HOOK3: variants seen among roughly 807,000 people sequenced by gnomAD.
HOOK3 encodes protein Hook homolog 3.
In HOOK3, 24 loss-of-function variants were observed where a neutral mutation model predicts 116.3. That is an observed-to-expected ratio of 0.21 (90% CI 0.15 to 0.29). The LOEUF is 0.29. Among genes scored for constraint, HOOK3 ranks in the 10% least tolerant of loss-of-function variants. The probability of loss-of-function intolerance (pLI) is 1.00; values close to 1 mark genes in which losing one functional copy is unlikely to be tolerated. For synonymous variants in HOOK3, 275 were observed against 283.0 expected (o/e 0.97, Z 0.28); for missense variants, 632 against 830.2 (o/e 0.76, Z 2.93).
At chr8:42,974,695 C>T (rs573013088) in intron 13 of HOOK3, among the ~76,000 whole-genome samples, 40 of 152,264 alleles carry the variant, frequency 2.6e-4, no homozygotes, top group African/African-American at 7.5e-4. Context: ...GATGGTGGTC[C>T]GAACCCTTAG....
At chr8:42,907,031 A>G (rs1440530881) in intron 2 of HOOK3, among the ~76,000 whole-genome samples, 1 of 152,224 alleles carries the variant, frequency 6.6e-6, no homozygotes, top group Non-Finnish European at 1.5e-5. Flanking sequence ...TAGTTATGAA[A>G]TTGATATTAT....
chr8:42,916,374 T>G (rs1267885836), intron 2 of HOOK3, among the ~76,000 whole-genome samples: 1 of 152,232 alleles, frequency 6.6e-6, no homozygotes, highest in Non-Finnish European at 1.5e-5. Flanking sequence ...TGACACCAAT[T>G]AGGTGCCCTG....
At chr8:42,948,870 A>G (rs536106966) in intron 5 of HOOK3, among the ~76,000 whole-genome samples, 2 of 152,330 alleles carry the variant, frequency 1.3e-5, no homozygotes, top group South Asian at 2.1e-4. Flanking sequence ...AACAATGCCT[A>G]TGATTTAGTT....
At chr8:42,957,465 A>G (rs1808456872) in intron 7 of HOOK3, among the ~76,000 whole-genome samples, 1 of 152,098 alleles carries the variant, frequency 6.6e-6, no homozygotes, top group South Asian at 2.1e-4. Context: ...TCTGTTAGTG[A>G]TATCAGTGTG....
chr8:42,957,505 T>A (rs1808457528), intron 7 of HOOK3, among the ~76,000 whole-genome samples: 2 of 152,170 alleles, frequency 1.3e-5, no homozygotes, highest in South Asian at 4.1e-4. Flanking sequence ...TGTTACAGCT[T>A]ATGATTATAT....
At chr8:42,919,226 C>CG (rs201504945) in intron 2 of HOOK3, among the ~76,000 whole-genome samples, 3 of 149,924 alleles carry the variant, frequency 2.0e-5, no homozygotes, top group Admixed American at 6.6e-5. Context: ...ACTTCACAGA[C>CG]GGGGCGGCTT....
At position 42,959,320 on chromosome 8, in the gene HOOK3, A is replaced by T. The variant is rs13279479; in HGVS notation, c.615+6A>T. 1 of 1,592,098 alleles carries T rather than the reference A, an allele frequency of 6.3e-7. No individual in the cohort carries two copies. The highest frequency in any genetic ancestry group is 8.6e-7 in the Non-Finnish European group (1 of 1,160,218). ...GCCATGAACTGGATATGCAGGTAAG[A>T]GATTTGTTCTGTGCACCACCTCTTT... is the stretch of plus-strand genomic sequence containing the variant. On this transcript the variant is annotated splice_donor_region_variant and intron_variant, in intron 8 of 21. Coordinates refer to ENST00000307602, the MANE Select transcript of HOOK3 (RefSeq NM_032410.4).
At chr8:42,998,468 T>C (rs1164767995) in intron 16 of HOOK3, among the ~76,000 whole-genome samples, 4 of 152,210 alleles carry the variant, frequency 2.6e-5, no homozygotes, top group Non-Finnish European at 5.9e-5. Flanking sequence ...AAACGTTTGT[T>C]TCCATTGATA....
rs1460559494 is a variant in HOOK3, at chr8:43,029,157, A to G, written c.*10659A>G. 1 of 174,292 alleles carries G rather than the reference A, an allele frequency of 5.7e-6. No individual in the cohort carries two copies. The highest frequency in any genetic ancestry group is 1.2e-5 in the Non-Finnish European group (1 of 80,796). The allele number at this position is 174,292 out of a possible 1,614,324, so 10.8% of individuals were successfully genotyped here. A position where few individuals can be genotyped will look rare whatever the true frequency, so the allele number is the denominator to read the frequency against. ...TTTAACAGCAATCTTTTATTTATTT[A>G]TTTATTTATTTTTGAGACGGAGTCT... On this transcript the variant is annotated 3_prime_UTR_variant, in exon 22 of 22. Coordinates refer to ENST00000307602, the MANE Select transcript of HOOK3 (RefSeq NM_032410.4).
At position 43,023,790 on chromosome 8, in the gene HOOK3, G is replaced by T. The variant is rs1276109059; in HGVS notation, c.*5292G>T. ...TTTCCTTTTCGAAAGTAGCAGTTTG[G>T]TTTATTCTCGTTTGCTAAGTAATTG... On this transcript the variant is annotated 3_prime_UTR_variant, in exon 22 of 22. Coordinates refer to ENST00000307602, the MANE Select transcript of HOOK3 (RefSeq NM_032410.4). 5.0e-6 allele frequency: 1 copy of T among 200,468 alleles called. No homozygotes were observed. The highest frequency in any genetic ancestry group is 1.0e-5 in the Non-Finnish European group (1 of 97,308). The allele number at this position is 200,468 out of a possible 1,614,324, so 12.4% of individuals were successfully genotyped here. A position where few individuals can be genotyped will look rare whatever the true frequency, so the allele number is the denominator to read the frequency against.
chr8:43,018,099 G>A (rs1324766803), intron 21 of HOOK3, among the ~76,000 whole-genome samples: 1 of 152,132 alleles, frequency 6.6e-6, no homozygotes. Context: ...TTGAGTATGG[G>A]TAAAGTCTGT....
At chr8:42,933,144 C>T (rs992619750) in intron 4 of HOOK3, among the ~76,000 whole-genome samples, 8 of 152,086 alleles carry the variant, frequency 5.3e-5, no homozygotes, top group Non-Finnish European at 8.8e-5. Flanking sequence ...AACCCAAGGT[C>T]TAACAATAGA....
chr8:42,924,943 A>G (rs1181869357), intron 2 of HOOK3, among the ~76,000 whole-genome samples: 1 of 151,950 alleles, frequency 6.6e-6, no homozygotes, highest in African/African-American at 2.4e-5. Context: ...ATTGCACTCC[A>G]GCCTGCCTGA....
chr8:42,976,130 T>A (rs974678915), intron 13 of HOOK3, among the ~76,000 whole-genome samples: 3 of 152,096 alleles, frequency 2.0e-5, no homozygotes, highest in African/African-American at 7.2e-5. Context: ...ATTCCTACTT[T>A]GTTGTAAATT....
At chr8:42,939,594 G>A (rs1183794714) in intron 4 of HOOK3, among the ~76,000 whole-genome samples, 8 of 144,936 alleles carry the variant, frequency 5.5e-5, no homozygotes, top group Middle Eastern at 3.4e-3. Flanking sequence ...CCTCCCTCCC[G>A]GACGGGCTGG....
In HOOK3 at chr8:42,927,271, T is replaced by A. The variant is rs1380548405; in HGVS notation, c.216+1642T>A. On this transcript the variant is annotated intron_variant, in intron 3 of 21. Transcript: ENST00000307602. ...TTTTTTTTTTTTTTTGGTTTTTTTT[T>A]TTTTGGAGACAGTCTCACCTTGTCA... Among the ~76,000 whole-genome samples the A allele has an allele frequency of 3.3e-5, 5 of 150,674 alleles. No homozygotes were observed. In the East Asian group the frequency reaches 9.6e-4, roughly 29 times the overall value.
At chr8:42,979,446 A>G (rs983815256) in intron 13 of HOOK3, among the ~76,000 whole-genome samples, 3 of 151,278 alleles carry the variant, frequency 2.0e-5, no homozygotes, top group Non-Finnish European at 2.9e-5. Context: ...TACCCCTCCC[A>G]CTCCTTTGTT....
chr8:42,939,806 C>T (rs555429861), intron 4 of HOOK3, among the ~76,000 whole-genome samples: 9 of 143,214 alleles, frequency 6.3e-5, no homozygotes, highest in South Asian at 4.7e-4. Context: ...ACTTCTCAGA[C>T]GGGGCGGCCG....
rs894885509 is a variant in HOOK3, at chr8:43,013,457, T to C, written c.2016+57T>C. ...AACTTCAATGAATATGTAATACTTA[T>C]TATATTCCCTTTACTGTAGAAGTCA... On this transcript the variant is annotated intron_variant, in intron 21 of 21. Transcript: ENST00000307602. 80 of 1,346,544 alleles carry C rather than the reference T, an allele frequency of 5.9e-5. 1 individual carries two copies. Among genetic ancestry groups the C allele is most frequent in the South Asian group, 3.0e-5 (2 of 66,898 alleles). The allele number at this position is 1,346,544 out of a possible 1,614,324, so 83.4% of individuals were successfully genotyped here.
Sources: gnomAD v4.1 joint callset for allele counts (sites outside exome capture counted in the v4.1 genomes callset) on GRCh38, gnomAD v4.1.1 for gene constraint, MANE v1.5 for transcripts, NCBI Gene and HGNC (gene_info 2026-07-23, HGNC 2026-07-21) for gene names.